The following TASOR2 variants were observed in gnomAD, a reference collection of about 807,000 sequenced individuals.
The protein encoded by TASOR2 is transcription activation suppressor family member 2.
Under a neutral mutation model 199.5 loss-of-function variants are expected in TASOR2, and 84 were observed. The ratio of observed to expected loss-of-function variants is 0.42; its 90% CI spans 0.35 to 0.50. TASOR2 has a LOEUF of 0.50. Among genes scored for constraint, TASOR2 ranks in the 20% least tolerant of loss-of-function variants. The probability of loss-of-function intolerance (pLI) is 0.02; values close to 1 mark genes in which losing one functional copy is unlikely to be tolerated. For synonymous variants in TASOR2, 1,103 were observed against 1,046.6 expected (o/e 1.05, Z -1.04); for missense variants, 2,796 against 2,835.9 (o/e 0.99, Z 0.32).
intron 2 of TASOR2, among the ~76,000 whole-genome samples, chr10:5,714,750 A>G (rs891583121): frequency 6.6e-6 from 1 of 152,230 alleles, no homozygotes. Flanking sequence ...GAGACTGGAA[A>G]GTGTTTAGCC....
Position 5,717,646 on chromosome 10 carries a change from T to A in TASOR2, c.-191-13T>A, listed in dbSNP as rs1832822606. Reference sequence around the variant, plus strand: ...GCAATCTGCTGCTTAATCTATATTTTATACTTTTACAGGTGTATACATTTC... The same window carrying A: ...GCAATCTGCTGCTTAATCTATATTTAATACTTTTACAGGTGTATACATTTC... On this transcript the variant is annotated splice_polypyrimidine_tract_variant and intron_variant, in intron 2 of 20. Transcript: ENST00000328090. 4.4e-6 allele frequency: 5 copies of A among 1,143,610 alleles called. No individual in the cohort carries two copies. The highest frequency in any genetic ancestry group is 5.5e-6 in the Non-Finnish European group (5 of 907,322). 70.8% of individuals were successfully genotyped at this position (1,143,610 alleles called of 1,614,324 possible).
At chr10:5,753,153 G>A (rs185265441) in intron 15 of TASOR2, among the ~76,000 whole-genome samples, 23 of 152,266 alleles carry the variant, frequency 1.5e-4, no homozygotes, top group Non-Finnish European at 2.8e-4. Context: ...CTTAGCGGAT[G>A]GAGAAGAGAT....
At chr10:5,749,397 T>C (rs1837693249) in exon 15 of TASOR2, 1 of 1,614,056 alleles carries the variant, frequency 6.2e-7, no homozygotes. Context: ...CCATAAAGAA[T>C]GGGGATTCTC....
At chr10:5,731,165 A>G (rs1303957090) in exon 11 of TASOR2, 1 of 1,607,722 alleles carries the variant, frequency 6.2e-7, no homozygotes. Flanking sequence ...ACAACTCTTA[A>G]GTTAGTTAAA....
rs1003485464 is a variant in TASOR2 at position 5,690,087 on chromosome 10, G to T, written c.-288+4912G>T. Among the ~76,000 whole-genome samples, 5 of 151,796 alleles carry T rather than the reference G, an allele frequency of 3.3e-5. No homozygotes were observed. Among genetic ancestry groups the T allele is most frequent in the Non-Finnish European group, 7.4e-5 (5 of 67,910 alleles). On this transcript the variant is annotated intron_variant, in intron 1 of 20. Coordinates refer to ENST00000328090, the Ensembl canonical transcript of TASOR2. This position sits in a 1 kb window ranked among gnomAD's most constrained non-coding sequence, Gnocchi z 4.8. ...TTAGAAATATCTTCCTTGTATTTGT[G>T]GTTGTATCGTCTTTGCTTTCAATAT...
At chr10:5,761,441 A>G in exon 19 of TASOR2, 1 of 1,613,076 alleles carries the variant, frequency 6.2e-7, no homozygotes, top group Non-Finnish European at 8.5e-7. Context: ...AATTCAGCAT[A>G]TTGATGCCAG....
chr10:5,694,965 T>G (rs2070998129), intron 1 of TASOR2, among the ~76,000 whole-genome samples: 1 of 152,240 alleles, frequency 6.6e-6, no homozygotes, highest in Admixed American at 6.5e-5. Context: ...GGATTTACTT[T>G]GCCAATGCAT....
In TASOR2 at chr10:5,750,887, G is replaced by A. The variant is rs1344776848; in HGVS notation, c.6606+860G>A. ...ACCTCATCTAGGTCTAGGATCATAG[G>A]TGTCTAGAATTGTCATGTCTTCAGT... is the stretch of plus-strand genomic sequence containing the variant. On this transcript the variant is annotated intron_variant, in intron 15 of 20. Transcript: ENST00000328090. The surrounding 1 kb of genome is among the most constrained non-coding windows in gnomAD (Gnocchi z 5.4). 6.6e-6 allele frequency among the ~76,000 whole-genome samples: 1 copy of A among 152,172 alleles called. No homozygotes were observed. The highest frequency in any genetic ancestry group is 2.4e-5 in the African/African-American group (1 of 41,454).
At chr10:5,703,503 ATTT>A (rs371366460) in intron 1 of TASOR2, among the ~76,000 whole-genome samples, 3 of 110,256 alleles carry the variant, frequency 2.7e-5, no homozygotes, top group Non-Finnish European at 5.2e-5. Flanking sequence ...GGTTTTTCTG[ATTT>A]TTTTTTTTTT....
At position 5,750,091 on chromosome 10, in the gene TASOR2, AT is replaced by A; in HGVS notation, c.6606+67del. On this transcript the variant is annotated intron_variant, in intron 15 of 20. Transcript: ENST00000328090. This position sits in a 1 kb window ranked among gnomAD's most constrained non-coding sequence, Gnocchi z 5.4. ...CTGATTTTAGTTTTAGAAATAATAA[AT>A]TTAGCATATTAGCCATCAAAAAGAA... 2 of 1,474,720 alleles carry A rather than the reference AT, an allele frequency of 1.4e-6. No individual in the cohort carries two copies. Among genetic ancestry groups the A allele is most frequent in the Non-Finnish European group, 1.8e-6 (2 of 1,108,914 alleles). The allele number at this position is 1,474,720 out of a possible 1,614,324, so 91.4% of individuals were successfully genotyped here. A position where few individuals can be genotyped will look rare whatever the true frequency, so the allele number is the denominator to read the frequency against.
In TASOR2 at chr10:5,737,117, G is replaced by A. The variant is rs1237354481; in HGVS notation, c.1447+1571G>A. Among the ~76,000 whole-genome samples the A allele has an allele frequency of 1.3e-5, 2 of 151,916 alleles. No homozygotes were observed. The highest frequency in any genetic ancestry group is 2.4e-5 in the African/African-American group (1 of 41,354). On this transcript the variant is annotated intron_variant, in intron 12 of 20. Transcript: ENST00000328090. The surrounding 1 kb of genome is among the most constrained non-coding windows in gnomAD (Gnocchi z 4.9). The stretch of plus-strand genomic sequence containing the variant: ...TAGGACTACAGGTGCATGCCACCAC[G>A]CCTGGCTAATTTTTGTATTTTTAGT...
chr10:5,714,244 T>C, intron 2 of TASOR2, 37 bp downstream of exon 3: 11 of 1,187,660 alleles, frequency 9.3e-6, no homozygotes, highest in Non-Finnish European at 1.2e-5. Flanking sequence ...TAAAAAAAAA[T>C]CTTCTTTTAC....
rs778892089 is a variant in TASOR2 at position 5,762,516 on chromosome 10, T to TG, written c.7175-16_7175-15insG. 2.3e-5 allele frequency: 14 copies of TG among 603,210 alleles called. 1 individual carries two copies. Among genetic ancestry groups the TG allele is most frequent in the Middle Eastern group, 4.8e-4 (1 of 2,096 alleles). The allele number at this position is 603,210 out of a possible 1,614,324, so 37.4% of individuals were successfully genotyped here. ...AATTATATTAACCAAAAGTTGTTTT[T>TG]TTTTTTTTTTAACAGACAAGCCTAC... is the stretch of plus-strand genomic sequence containing the variant. On this transcript the variant is annotated splice_polypyrimidine_tract_variant and intron_variant, in intron 19 of 20. Transcript: ENST00000328090.
intron 6 of TASOR2, among the ~76,000 whole-genome samples, chr10:5,721,422 C>G (rs1325031283): frequency 2.6e-5 from 4 of 152,120 alleles, no homozygotes; most frequent in East Asian, 1.9e-4. Context: ...CTGTGAAGAA[C>G]ATCTTAGGAA....
chr10:5,718,439 G>A lies in TASOR2; in HGVS notation c.-100+689G>A, dbSNP rs961726727. On this transcript the variant is annotated intron_variant, in intron 3 of 20. Coordinates refer to ENST00000328090, the Ensembl canonical transcript of TASOR2. ...GCCTGTGAATTCTTAATATTGTAAA[G>A]TTTGTTCTCAAAAAAGCGGAGGGAG... Among the ~76,000 whole-genome samples, 5 of 149,618 alleles carry A rather than the reference G, an allele frequency of 3.3e-5. No homozygotes were observed. In the East Asian group the frequency reaches 9.8e-4, roughly 29 times the overall value.
At chr10:5,743,321 ATCT>A (rs1836697580) in intron 14 of TASOR2, among the ~76,000 whole-genome samples, 1 of 152,242 alleles carries the variant, frequency 6.6e-6, no homozygotes, top group African/African-American at 2.4e-5. Flanking sequence ...ACCCGTGAAT[ATCT>A]TCAAGTGATT....
intron 1 of TASOR2, chr10:5,712,536 T>TGA: frequency 8.1e-7 from 1 of 1,231,490 alleles, no homozygotes; most frequent in Non-Finnish European, 1.0e-6. Flanking sequence ...TTTTCTTAAA[T>TGA]GAGGTGAGGT....
exon 15 of TASOR2, chr10:5,746,611 A>G (rs1447847097): frequency 4.3e-6 from 7 of 1,614,194 alleles, no homozygotes; most frequent in African/African-American, 1.3e-5. Flanking sequence ...ACATGTACCA[A>G]TACAGACAGA....
chr10:5,749,451 A>G (rs1288200967), exon 15 of TASOR2: 1 of 1,614,160 alleles, frequency 6.2e-7, no homozygotes, highest in East Asian at 2.2e-5. Context: ...AGGAGTCACC[A>G]ACCCAGATCT....
Sources: gnomAD v4.1 joint callset for allele counts (sites outside exome capture counted in the v4.1 genomes callset) on GRCh38, gnomAD v4.1.1 for gene constraint, Gnocchi (gnomAD v3.1) non-coding constraint, MANE v1.5 for transcripts, NCBI Gene and HGNC (gene_info 2026-07-23, HGNC 2026-07-21) for gene names.